Variants in COL6A5 observed in about 807,000 individuals in gnomAD.
COL6A5 encodes the protein collagen type VI alpha 5 chain.
COL6A5 carries 48 observed loss-of-function variants against 65.6 expected under a neutral mutation model. The observed-to-expected ratio is 0.73, with a 90% CI of 0.58 to 0.93. COL6A5 has a LOEUF of 0.93. Among genes scored for constraint, COL6A5 ranks in the 40% least tolerant of loss-of-function variants. The pLI is 0.00. For missense variants in COL6A5, 914 were observed against 928.3 expected, an observed-to-expected ratio of 0.98 and a Z score of 0.20; for synonymous variants, 291 against 322.8, an observed-to-expected ratio of 0.90 and a Z score of 1.05.
intron 4 of COL6A5, among the ~76,000 whole-genome samples, chr3:130,384,196 G>A (rs1383325168): frequency 1.3e-5 from 2 of 151,954 alleles, no homozygotes; most frequent in Admixed American, 6.6e-5. Context: ...CCAGGGACAC[G>A]TTCTAAAGAC....
chr3:130,346,829 A>G (rs995589186), intron 1 of COL6A5, among the ~76,000 whole-genome samples: 2 of 152,220 alleles, frequency 1.3e-5, no homozygotes, highest in Admixed American at 6.5e-5. Context: ...CTTGGAAGAT[A>G]TATATTTACT....
intron 5 of COL6A5, among the ~76,000 whole-genome samples, chr3:130,460,292 C>T (rs1335061571): frequency 1.3e-5 from 2 of 152,116 alleles, no homozygotes; most frequent in African/African-American, 2.4e-5. Flanking sequence ...GTGGAATAAA[C>T]TGAGTCTCCC....
intron 10 of COL6A5, 69 bp from the exon 11 acceptor site, chr3:130,400,962 T>C: frequency 7.9e-7 from 1 of 1,262,738 alleles, no homozygotes; most frequent in Non-Finnish European, 1.1e-6. Context: ...CTGAGTAGAA[T>C]TATTATGTCT....
At chr3:130,443,361 C>G (rs953380166) in intron 3 of COL6A5, 115 bp from the exon 36 acceptor site, 1 of 704,726 alleles carries the variant, frequency 1.4e-6, no homozygotes, top group African/African-American at 1.8e-5. Context: ...CCAAATTTTG[C>G]TGAAATATGT....
intron 6 of COL6A5, among the ~76,000 whole-genome samples, chr3:130,390,810 C>G (rs1221950968): frequency 2.0e-5 from 3 of 152,212 alleles, no homozygotes; most frequent in East Asian, 3.9e-4. Context: ...ATCAGTATAT[C>G]TCGCCATTAC....
At chr3:130,385,846 A>G (rs1936168495) in intron 5 of COL6A5, among the ~76,000 whole-genome samples, 1 of 152,024 alleles carries the variant, frequency 6.6e-6, no homozygotes. Flanking sequence ...TGAGGATAAT[A>G]CCTACATCAG....
At chr3:130,470,537 AT>A (rs1031043719) in intron 6 of COL6A5, among the ~76,000 whole-genome samples, 43 of 152,172 alleles carry the variant, frequency 2.8e-4, no homozygotes, top group African/African-American at 9.1e-4. Context: ...TAAAAAAAAA[AT>A]AAAATATAAA....
chr3:130,377,097 C>A (rs1380568035), intron 3 of COL6A5, among the ~76,000 whole-genome samples: 1 of 152,086 alleles, frequency 6.6e-6, no homozygotes, highest in Non-Finnish European at 1.5e-5. Context: ...CATTCTTTTC[C>A]TCTTGGAATC....
exon 5 of COL6A5, chr3:130,455,606 A>C: frequency 6.2e-7 from 1 of 1,613,318 alleles, no homozygotes; most frequent in Non-Finnish European, 8.5e-7. Flanking sequence ...TGAGCCACAA[A>C]AATTAATGAT....
intron 3 of COL6A5, among the ~76,000 whole-genome samples, chr3:130,378,889 G>A (rs1217544017): frequency 1.3e-5 from 2 of 152,156 alleles, no homozygotes. Flanking sequence ...ATTACTGTGT[G>A]AAATAATACA....
chr3:130,448,999 C>G (rs910490980), intron 4 of COL6A5, among the ~76,000 whole-genome samples: 2 of 152,180 alleles, frequency 1.3e-5, no homozygotes, highest in Admixed American at 6.5e-5. Flanking sequence ...GCCCTTAAAT[C>G]GGTTACCATC....
exon 4 of COL6A5, chr3:130,443,513 T>C (rs753542411): frequency 6.2e-7 from 1 of 1,611,670 alleles, no homozygotes; most frequent in Non-Finnish European, 8.5e-7. Flanking sequence ...TGCTTGAGGA[T>C]GCCTGTAGAC....
intron 4 of COL6A5, 57 bp downstream of exon 4, chr3:130,380,107 A>G: frequency 8.0e-7 from 1 of 1,251,400 alleles, no homozygotes; most frequent in Non-Finnish European, 1.1e-6. Context: ...GTTACCTAGG[A>G]CTAGGGTGGG....
intron 4 of COL6A5, among the ~76,000 whole-genome samples, chr3:130,449,956 C>A (rs1366141415): frequency 6.6e-6 from 1 of 152,046 alleles, no homozygotes; most frequent in Non-Finnish European, 1.5e-5. Context: ...GGCCAGTGAC[C>A]CCCGTGGGGA....
chr3:130,454,240 C>T (rs1431150419), intron 4 of COL6A5, among the ~76,000 whole-genome samples: 1 of 43,544 alleles, frequency 2.3e-5, no homozygotes, highest in African/African-American at 3.8e-5. Flanking sequence ...TTTTTAAAAA[C>T]CAAAAAAAGG....
exon 6 of COL6A5, chr3:130,469,251 G>A (rs1160437392): frequency 6.2e-7 from 1 of 1,612,992 alleles, no homozygotes; most frequent in Non-Finnish European, 8.5e-7. Context: ...ATATCTGCTG[G>A]CGAAACCAAC....
At chr3:130,379,940 A>C in exon 4 of COL6A5, 2 of 1,551,374 alleles carry the variant, frequency 1.3e-6, no homozygotes, top group Non-Finnish European at 1.7e-6. Flanking sequence ...TCCACGCTGA[A>C]GTCCTATGCA....
intron 1 of COL6A5, among the ~76,000 whole-genome samples, chr3:130,349,159 G>A (rs964805784): frequency 4.6e-5 from 7 of 152,220 alleles, no homozygotes; most frequent in East Asian, 3.9e-4. Flanking sequence ...CACATTATTC[G>A]ATTGTCCCAG....
At chr3:130,368,065 A>T (rs1335959908) in intron 1 of COL6A5, among the ~76,000 whole-genome samples, 1 of 152,152 alleles carries the variant, frequency 6.6e-6, no homozygotes, top group Middle Eastern at 3.2e-3. Context: ...CGCCACACCT[A>T]CTTCTTCCCA....
Sources: allele counts gnomAD v4.1 joint callset (sites outside exome capture counted in the v4.1 genomes callset), GRCh38; gene constraint gnomAD v4.1.1; transcripts MANE v1.5; gene names NCBI Gene and HGNC (gene_info 2026-07-23, HGNC 2026-07-21).